NPFFR2: variants seen among roughly 807,000 people sequenced by gnomAD.
The protein encoded by NPFFR2 is neuropeptide FF receptor 2.
NPFFR2 carries 15 observed loss-of-function variants against 13.1 expected under a neutral mutation model. That is an observed-to-expected ratio of 1.15 (90% CI 0.77 to 1.76). The LOEUF (loss-of-function observed/expected upper bound fraction) is 1.76, where lower values mean the gene tolerates loss of function less well. Among genes scored for constraint, NPFFR2 ranks in the 40% most tolerant of loss-of-function variants. The pLI, the probability that NPFFR2 is intolerant of heterozygous loss-of-function variation, is 0.00. For missense variants in NPFFR2, 572 were observed against 503.5 expected, an observed-to-expected ratio of 1.14 and a Z score of -1.30; for synonymous variants, 190 against 175.7, an observed-to-expected ratio of 1.08 and a Z score of -0.65.
At chr4:72,036,434 A>G (rs1206830905) in intron 1 of NPFFR2, among the ~76,000 whole-genome samples, 1 of 151,756 alleles carries the variant, frequency 6.6e-6, no homozygotes, top group Non-Finnish European at 1.5e-5. Context: ...GAAGCATCAG[A>G]GTTATTTGTG....
At chr4:72,040,503 C>T (rs1476804988) in intron 1 of NPFFR2, among the ~76,000 whole-genome samples, 1 of 152,108 alleles carries the variant, frequency 6.6e-6, no homozygotes, top group East Asian at 1.9e-4. Flanking sequence ...ATTTCTATGG[C>T]AACACCAAAT....
At chr4:72,140,915 T>C (rs1228683701) in intron 3 of NPFFR2, among the ~76,000 whole-genome samples, 1 of 152,170 alleles carries the variant, frequency 6.6e-6, no homozygotes, top group African/African-American at 2.4e-5. Flanking sequence ...GTTGGTAAGC[T>C]ATTAATTATT....
intron 1 of NPFFR2, among the ~76,000 whole-genome samples, chr4:72,057,193 A>G (rs895641670): frequency 1.2e-5 from 1 of 83,598 alleles, no homozygotes; most frequent in Non-Finnish European, 3.4e-5. Flanking sequence ...GGCAATCATC[A>G]TCATCATCAT....
At chr4:72,034,548 A>G (rs931564170) in intron 1 of NPFFR2, among the ~76,000 whole-genome samples, 3 of 152,188 alleles carry the variant, frequency 2.0e-5, no homozygotes, top group African/African-American at 7.2e-5. Flanking sequence ...AAGAACTACA[A>G]TTCAAGATGA....
intron 1 of NPFFR2, among the ~76,000 whole-genome samples, chr4:72,106,267 G>C (rs1721416381): frequency 6.6e-6 from 1 of 152,006 alleles, no homozygotes; most frequent in South Asian, 2.1e-4. Flanking sequence ...TGACAGCAGA[G>C]GGAAGGAGAG....
chr4:72,047,464 T>C (rs2109761328), intron 1 of NPFFR2, among the ~76,000 whole-genome samples: 1 of 152,248 alleles, frequency 6.6e-6, no homozygotes, highest in South Asian at 2.1e-4. Context: ...GTGCCCCTAG[T>C]CTGCACTGGG....
rs570565423 is a variant in NPFFR2 at position 72,148,292 on chromosome 4, T to G, written c.*480T>G. ...GTACTTGGTTTTCTAAGAAATACAT[T>G]CGATCACATGAAATTCTCTGCTGTT... On this transcript the variant is annotated 3_prime_UTR_variant, in exon 4 of 4. Transcript: ENST00000308744. Among the ~76,000 whole-genome samples, 2 of 152,358 alleles carry G rather than the reference T, an allele frequency of 1.3e-5. No homozygotes were observed. The highest frequency in any genetic ancestry group is 4.1e-4 in the South Asian group (2 of 4,828).
rs752202177 is a variant in NPFFR2 at position 72,032,079 on chromosome 4, C to T, written c.-129C>T. ...CAGGCAGTCCGCGGGGGACAGACGT[C>T]GGCTGGGATTGAGCCGGCAGACTGC... On this transcript the variant is annotated 5_prime_UTR_variant, in exon 1 of 4. Transcript: ENST00000308744. The T allele has an allele frequency of 3.1e-6, 5 of 1,613,954 alleles. No individual in the cohort carries two copies. The highest frequency in any genetic ancestry group is 4.2e-6 in the Non-Finnish European group (5 of 1,179,970).
chr4:72,107,671 C>G (rs185918249), intron 1 of NPFFR2, among the ~76,000 whole-genome samples: 1 of 152,006 alleles, frequency 6.6e-6, no homozygotes, highest in Admixed American at 6.6e-5. Flanking sequence ...TAAGTATGCC[C>G]TAGAGGGTAA....
Position 72,032,089 on chromosome 4 carries a change from T to G in NPFFR2, c.-119T>G, listed in dbSNP as rs1718937619. The G allele has an allele frequency of 6.2e-7, 1 of 1,614,052 alleles. No individual in the cohort carries two copies. Among genetic ancestry groups the G allele is most frequent in the South Asian group, 1.1e-5 (1 of 91,078 alleles). On this transcript the variant is annotated 5_prime_UTR_variant, in exon 1 of 4. The change creates a new upstream start codon in the 5' untranslated region. Coordinates refer to ENST00000308744, the MANE Select transcript of NPFFR2 (RefSeq NM_004885.3). ...GCGGGGGACAGACGTCGGCTGGGAT[T>G]GAGCCGGCAGACTGCGAAAAGTAGC...
intron 1 of NPFFR2, among the ~76,000 whole-genome samples, chr4:72,122,743 A>T (rs1721924537): frequency 6.6e-6 from 1 of 152,228 alleles, no homozygotes; most frequent in South Asian, 2.1e-4. Context: ...TCTAGGACAC[A>T]ATTAATAGAT....
chr4:72,146,059 A>T (rs1722772575), intron 3 of NPFFR2, among the ~76,000 whole-genome samples: 1 of 152,196 alleles, frequency 6.6e-6, no homozygotes, highest in African/African-American at 2.4e-5. Context: ...CAGAACTCAT[A>T]ATGAATACTC....
At chr4:72,128,328 A>C (rs1021004159) in intron 1 of NPFFR2, among the ~76,000 whole-genome samples, 2 of 152,040 alleles carry the variant, frequency 1.3e-5, no homozygotes, top group Non-Finnish European at 2.9e-5. Context: ...AGTGAAATAT[A>C]GAGTGTATTA....
chr4:72,140,191 C>T (rs116858512), intron 3 of NPFFR2, among the ~76,000 whole-genome samples: 8 of 152,134 alleles, frequency 5.3e-5, no homozygotes, highest in East Asian at 1.9e-4. Context: ...TATACAATGA[C>T]GTCATCTGCA....
chr4:72,127,243 G>T (rs1377193717), intron 1 of NPFFR2, among the ~76,000 whole-genome samples: 3 of 110,806 alleles, frequency 2.7e-5, no homozygotes, highest in Non-Finnish European at 5.1e-5. Context: ...GGTGGAGCTT[G>T]CAGTGAGCCG....
At chr4:72,038,156 C>T (rs1311505516) in intron 1 of NPFFR2, among the ~76,000 whole-genome samples, 1 of 152,168 alleles carries the variant, frequency 6.6e-6, no homozygotes. Context: ...AATCGTGAGT[C>T]TCAGAGCTGC....
At chr4:72,138,908 C>T (rs1385334309) in intron 3 of NPFFR2, among the ~76,000 whole-genome samples, 1 of 152,062 alleles carries the variant, frequency 6.6e-6, no homozygotes, top group Non-Finnish European at 1.5e-5. Context: ...TTTCTGCACA[C>T]CCTCTCCAGC....
chr4:72,037,759 C>G (rs1012646344), intron 1 of NPFFR2, among the ~76,000 whole-genome samples: 3 of 152,188 alleles, frequency 2.0e-5, no homozygotes, highest in African/African-American at 7.2e-5. Context: ...AAAATCTTCC[C>G]TGTTTGAGGG....
rs755245394 is a variant in NPFFR2, at chr4:72,032,104, C to A, written c.-104C>A. ...CGGCTGGGATTGAGCCGGCAGACTG[C>A]GAAAAGTAGCTGGAGCCGGAGCAGG... On this transcript the variant is annotated 5_prime_UTR_variant, in exon 1 of 4. Transcript: ENST00000308744. The A allele has an allele frequency of 3.7e-6, 6 of 1,613,940 alleles. No homozygotes were observed. The highest frequency in any genetic ancestry group is 2.7e-5 in the African/African-American group (2 of 74,918).
Sources: allele counts gnomAD v4.1 joint callset (sites outside exome capture counted in the v4.1 genomes callset), GRCh38; gene constraint gnomAD v4.1.1; transcripts MANE v1.5; gene names NCBI Gene and HGNC (gene_info 2026-07-23, HGNC 2026-07-21).